WWOX: variants seen among roughly 807,000 people sequenced by gnomAD.
WWOX encodes the protein WW domain-containing oxidoreductase.
In WWOX, 69 loss-of-function variants were observed where a neutral mutation model predicts 46.2. The observed-to-expected ratio is 1.49, with a 90% CI of 1.23 to 1.82. WWOX has a LOEUF of 1.82. Ranked by LOEUF, WWOX falls within the 40% of genes most tolerant of loss-of-function variation. The pLI, the probability that WWOX is intolerant of heterozygous loss-of-function variation, is 0.00. For synonymous variants in WWOX, 359 were observed against 202.6 expected (o/e 1.77, Z -6.56); for missense variants, 919 against 542.6 (o/e 1.69, Z -6.89).
chr16:78,509,862 A>T (rs1213338537), intron 8 of WWOX, among the ~76,000 whole-genome samples: 1 of 151,286 alleles, frequency 6.6e-6, no homozygotes, highest in Non-Finnish European at 1.5e-5. Flanking sequence ...CCGAGGCAGG[A>T]GGATCACTTG....
At chr16:78,353,531 T>G (rs1173144090) in intron 5 of WWOX, among the ~76,000 whole-genome samples, 1 of 152,204 alleles carries the variant, frequency 6.6e-6, no homozygotes, top group Non-Finnish European at 1.5e-5. Flanking sequence ...GGGACAGGAT[T>G]AGCAAGCCAA....
intron 8 of WWOX, among the ~76,000 whole-genome samples, chr16:79,113,591 T>C (rs2049457005): frequency 1.1e-4 from 17 of 152,268 alleles, no homozygotes. Context: ...GAGCAATCCC[T>C]GTCGCCAAAG....
intron 8 of WWOX, among the ~76,000 whole-genome samples, chr16:79,011,979 A>G (rs16949203): frequency 0.012 from 1,782 of 152,178 alleles, 28 homozygotes; most frequent in South Asian, 0.1. Context: ...ATCTAGAACT[A>G]TCTTTTTCCT....
At chr16:78,831,611 G>T (rs911696448) in intron 8 of WWOX, among the ~76,000 whole-genome samples, 1 of 152,168 alleles carries the variant, frequency 6.6e-6, no homozygotes, top group Non-Finnish European at 1.5e-5. Flanking sequence ...CCTTAGGTGG[G>T]TCACTCAGTC....
intron 8 of WWOX, among the ~76,000 whole-genome samples, chr16:78,717,855 C>T (rs146903454): frequency 2.2e-4 from 33 of 152,178 alleles, no homozygotes; most frequent in African/African-American, 7.9e-4. Context: ...TCTTTCCCAC[C>T]TGTTTGGTGA....
intron 8 of WWOX, among the ~76,000 whole-genome samples, chr16:78,670,331 C>T (rs548225175): frequency 6.6e-6 from 1 of 152,290 alleles, no homozygotes; most frequent in South Asian, 2.1e-4. Flanking sequence ...TGGAAGGAAA[C>T]ACCTTTCCAA....
intron 8 of WWOX, among the ~76,000 whole-genome samples, chr16:78,714,298 C>T (rs531285399): frequency 2.6e-5 from 4 of 152,054 alleles, no homozygotes; most frequent in Non-Finnish European, 2.9e-5. Flanking sequence ...ACGATCATGG[C>T]GGAAGGCAAA....
chr16:78,546,833 C>T (rs542580334), intron 8 of WWOX, among the ~76,000 whole-genome samples: 1 of 152,272 alleles, frequency 6.6e-6, no homozygotes, highest in Non-Finnish European at 1.5e-5. Context: ...TTGTTAAGAA[C>T]TACCAGACCT....
chr16:79,143,643 A>G (rs944456620), intron 8 of WWOX, among the ~76,000 whole-genome samples: 6 of 152,180 alleles, frequency 3.9e-5, no homozygotes, highest in African/African-American at 1.4e-4. Context: ...ATTCGCCAAT[A>G]TGTATAGAGT....
At chr16:78,444,028 TGTGAG>T (rs2083503231) in intron 8 of WWOX, among the ~76,000 whole-genome samples, 1 of 152,190 alleles carries the variant, frequency 6.6e-6, no homozygotes. Flanking sequence ...GATTTTTCCC[TGTGAG>T]GTGTAAGGTA....
chr16:78,182,747 T>G (rs2035569893), intron 5 of WWOX, among the ~76,000 whole-genome samples: 1 of 151,798 alleles, frequency 6.6e-6, no homozygotes, highest in African/African-American at 2.4e-5. Context: ...GGTCAGGAGA[T>G]CGAGACCATC....
intron 8 of WWOX, among the ~76,000 whole-genome samples, chr16:78,610,443 G>A (rs535659061): frequency 6.6e-6 from 1 of 152,220 alleles, no homozygotes; most frequent in Non-Finnish European, 1.5e-5. Context: ...TTTGAACGAG[G>A]AGCTCAATTC....
At chr16:78,362,551 G>A (rs547169538) in intron 5 of WWOX, among the ~76,000 whole-genome samples, 1 of 152,124 alleles carries the variant, frequency 6.6e-6, no homozygotes, top group African/African-American at 2.4e-5. Context: ...GGAGGTAGCA[G>A]TGAGCTGAGA....
At chr16:78,415,502 T>C (rs536825063) in intron 6 of WWOX, among the ~76,000 whole-genome samples, 13 of 152,260 alleles carry the variant, frequency 8.5e-5, no homozygotes, top group African/African-American at 3.1e-4. Context: ...CTCAATCTTA[T>C]TTTACCCAGC....
chr16:78,264,001 TTTTTTTTTTTTTTTG>T (rs1223387581), intron 5 of WWOX, among the ~76,000 whole-genome samples: 4 of 137,576 alleles, frequency 2.9e-5, no homozygotes, highest in East Asian at 2.3e-4. Flanking sequence ...GAAATCTTTT[TTTTTTTTTTTTTTTG>T]TTTTTTTGCT....
intron 8 of WWOX, among the ~76,000 whole-genome samples, chr16:78,948,644 G>A (rs1260266157): frequency 2.0e-5 from 3 of 152,048 alleles, no homozygotes; most frequent in African/African-American, 4.8e-5. Flanking sequence ...GTTCCCACTC[G>A]AAAAGAGGTT....
intron 8 of WWOX, among the ~76,000 whole-genome samples, chr16:79,179,994 GT>G (rs372281053): frequency 4.0e-4 from 60 of 150,018 alleles, no homozygotes; most frequent in African/African-American, 1.0e-3. Context: ...CCTAGACCAG[GT>G]TTTTTTTTTC....
At chr16:79,206,091 G>A (rs184780021) in intron 8 of WWOX, 6 of 152,204 alleles carry the variant, frequency 3.9e-5, no homozygotes, top group Non-Finnish European at 8.8e-5. Flanking sequence ...CATCCAAATG[G>A]ATATCATTTC....
chr16:78,531,998 G>A (rs138282017), intron 8 of WWOX, among the ~76,000 whole-genome samples: 1,532 of 151,918 alleles, frequency 0.01, 33 homozygotes, highest in African/African-American at 0.036. Flanking sequence ...TAAGTTTTGG[G>A]TTGGGCGGGA....
Sources: gnomAD v4.1 joint callset for allele counts (sites outside exome capture counted in the v4.1 genomes callset) on GRCh38, gnomAD v4.1.1 for gene constraint, MANE v1.5 for transcripts, NCBI Gene and HGNC (gene_info 2026-07-23, HGNC 2026-07-21) for gene names.